The following MAGI2 variants were observed in gnomAD, a reference collection of about 807,000 sequenced individuals.
The protein encoded by MAGI2 is membrane associated guanylate kinase, WW and PDZ domain containing 2, also known as membrane-associated guanylate kinase, WW and PDZ domain-containing protein 2.
MAGI2 carries 35 observed loss-of-function variants against 133.3 expected under a neutral mutation model. The observed-to-expected ratio is 0.26, with a 90% CI of 0.20 to 0.35. The LOEUF is 0.35. Among genes scored for constraint, MAGI2 ranks in the 10% least tolerant of loss-of-function variants. MAGI2 has a pLI of 1.00. For missense variants in MAGI2, 1,636 were observed against 1,863.4 expected, an observed-to-expected ratio of 0.88 and a Z score of 2.25; for synonymous variants, 729 against 710.6, an observed-to-expected ratio of 1.03 and a Z score of -0.41.
intron 2 of MAGI2, among the ~76,000 whole-genome samples, chr7:78,813,351 G>T (rs536888909): frequency 2.0e-5 from 3 of 152,288 alleles, no homozygotes; most frequent in Non-Finnish European, 2.9e-5. Context: ...CTGCAATCAA[G>T]TGAGGGTTAA....
intron 2 of MAGI2, among the ~76,000 whole-genome samples, chr7:78,755,101 T>G (rs2151286985): frequency 6.6e-6 from 1 of 152,322 alleles, no homozygotes; most frequent in East Asian, 1.9e-4. Flanking sequence ...TATTATTACT[T>G]AAGTTAGCAG....
At chr7:78,232,235 A>G (rs1178797840) in intron 10 of MAGI2, among the ~76,000 whole-genome samples, 1 of 152,226 alleles carries the variant, frequency 6.6e-6, no homozygotes, top group Non-Finnish European at 1.5e-5. Flanking sequence ...AGGTAGGAAC[A>G]ATGTAATCTT....
At chr7:78,949,756 T>C (rs1340511244) in intron 2 of MAGI2, among the ~76,000 whole-genome samples, 1 of 152,274 alleles carries the variant, frequency 6.6e-6, no homozygotes, top group East Asian at 1.9e-4. Flanking sequence ...AAATAAACAC[T>C]GAGTTTCTAC....
intron 2 of MAGI2, chr7:79,000,266 T>A (rs1211782514): frequency 6.6e-6 from 1 of 152,226 alleles, no homozygotes. Flanking sequence ...ATTGCTTTTT[T>A]GGTGATCTAA....
intron 21 of MAGI2, among the ~76,000 whole-genome samples, chr7:78,075,806 T>TGGG (rs1815226934): frequency 6.6e-6 from 1 of 152,152 alleles, no homozygotes; most frequent in African/African-American, 2.4e-5. Context: ...CACTATGAAA[T>TGGG]TCCAGAAATA....
chr7:79,239,112 A>G (rs914881948), intron 1 of MAGI2, among the ~76,000 whole-genome samples: 1 of 152,216 alleles, frequency 6.6e-6, no homozygotes, highest in Non-Finnish European at 1.5e-5. Flanking sequence ...TTTTAAAATA[A>G]TGGTCATGAA....
intron 6 of MAGI2, among the ~76,000 whole-genome samples, chr7:78,388,939 T>G (rs12216677): frequency 0.011 from 1,713 of 152,314 alleles, 23 homozygotes; most frequent in South Asian, 0.019. Flanking sequence ...TTCTCCTTGA[T>G]CAGGTGACTT....
chr7:79,401,484 T>C (rs1236775228), intron 1 of MAGI2, among the ~76,000 whole-genome samples: 1 of 152,200 alleles, frequency 6.6e-6, no homozygotes, highest in African/African-American at 2.4e-5. Flanking sequence ...TACTGTGCCA[T>C]ATTGCCTGTT....
chr7:78,128,388 A>G (rs1427937256), intron 18 of MAGI2, among the ~76,000 whole-genome samples: 1 of 152,218 alleles, frequency 6.6e-6, no homozygotes, highest in Non-Finnish European at 1.5e-5. Flanking sequence ...GTAACAGTCT[A>G]TAATGGGCTA....
intron 1 of MAGI2, among the ~76,000 whole-genome samples, chr7:79,165,374 T>G (rs893931897): frequency 5.3e-5 from 8 of 151,970 alleles, no homozygotes; most frequent in Admixed American, 3.9e-4. Context: ...TCTTTAAGCA[T>G]CCAGTTCACA....
intron 5 of MAGI2, among the ~76,000 whole-genome samples, chr7:78,500,591 CA>C (rs1794532819): frequency 6.6e-6 from 1 of 152,002 alleles, no homozygotes; most frequent in Non-Finnish European, 1.5e-5. Flanking sequence ...AACATGTATA[CA>C]AAAATTATAT....
chr7:79,402,914 C>A (rs1309315453), intron 1 of MAGI2, among the ~76,000 whole-genome samples: 1 of 152,148 alleles, frequency 6.6e-6, no homozygotes, highest in East Asian at 1.9e-4. Context: ...TGGTTCTACC[C>A]CAGGCTACTG....
intron 1 of MAGI2, among the ~76,000 whole-genome samples, chr7:79,335,628 A>G (rs1304575469): frequency 1.3e-5 from 2 of 152,112 alleles, no homozygotes; most frequent in Non-Finnish European, 2.9e-5. Context: ...ATGTAGTAAG[A>G]TAATTTTATT....
chr7:78,614,179 G>A lies in MAGI2; in HGVS notation c.538+12941C>T, dbSNP rs548201526. Among the ~76,000 whole-genome samples, 24 of 151,310 alleles carry A rather than the reference G, an allele frequency of 1.6e-4. No homozygotes were observed. The South Asian group carries it at 4.6e-3, about 29-fold the overall frequency. On this transcript the variant is annotated intron_variant, in intron 3 of 21. Transcript: ENST00000354212. The stretch of plus-strand genomic sequence containing the variant: ...CCTTTCAGGGAAATCAACCAAGATA[G>A]CGATGTATTATTTCCTCTCCAACTA...
At position 78,115,830 on chromosome 7, in the gene MAGI2, A is replaced by T. The variant is rs1327669228; in HGVS notation, c.3567+9864T>A. Among the ~76,000 whole-genome samples the T allele has an allele frequency of 5.9e-5, 9 of 152,348 alleles. No individual in the cohort carries two copies. In the East Asian group the frequency reaches 1.7e-3, roughly 29 times the overall value. ...GTGAGGCCCCATTTCCATCAAAAAA[A>T]GTCAACTGCTTTTCAAAGAAAAATT... On this transcript the variant is annotated intron_variant, in intron 20 of 21. Transcript: ENST00000354212.
chr7:79,344,551 A>G (rs533365592), intron 1 of MAGI2, among the ~76,000 whole-genome samples: 1 of 152,276 alleles, frequency 6.6e-6, no homozygotes, highest in East Asian at 1.9e-4. Flanking sequence ...TTCTTATGCC[A>G]GCAAAAATAG....
At chr7:78,542,973 A>T (rs1165479960) in intron 3 of MAGI2, among the ~76,000 whole-genome samples, 1 of 152,228 alleles carries the variant, frequency 6.6e-6, no homozygotes, top group Non-Finnish European at 1.5e-5. Flanking sequence ...AGCATGCATT[A>T]GATATCATTA....
chr7:78,923,901 G>A (rs1032738775), intron 2 of MAGI2, among the ~76,000 whole-genome samples: 1 of 152,074 alleles, frequency 6.6e-6, no homozygotes, highest in Non-Finnish European at 1.5e-5. Flanking sequence ...CCTTGAAGAG[G>A]TCTTTCACGT....
At chr7:79,093,176 A>T (rs1238952518) in intron 1 of MAGI2, among the ~76,000 whole-genome samples, 2 of 141,146 alleles carry the variant, frequency 1.4e-5, no homozygotes, top group South Asian at 2.2e-4. Context: ...CAGCTCTATT[A>T]AAAAAAAAAA....
Sources: gnomAD v4.1 joint callset for allele counts (sites outside exome capture counted in the v4.1 genomes callset) on GRCh38, gnomAD v4.1.1 for gene constraint, MANE v1.5 for transcripts, NCBI Gene and HGNC (gene_info 2026-07-23, HGNC 2026-07-21) for gene names.